Variants in ITGA5 observed in about 807,000 individuals in gnomAD.
The protein encoded by ITGA5 is integrin alpha-5.
A neutral mutation model predicts 146.3 loss-of-function variants in ITGA5; 55 were observed. The ratio of observed to expected loss-of-function variants is 0.38; its 90% CI spans 0.30 to 0.47. ITGA5 has a LOEUF of 0.47. ITGA5 is among the 20% of genes least tolerant of loss of function. ITGA5 has a pLI of 0.99. For missense variants in ITGA5, 1,131 were observed against 1,329.0 expected (o/e 0.85, Z 2.32); for synonymous variants, 500 against 531.8 (o/e 0.94, Z 0.82).
In ITGA5 at chr12:54,409,531, A is replaced by C; in HGVS notation, c.416T>G (p.Leu139Trp). Residue 139 changes from leucine to tryptophan, a missense_variant, in exon 3 of 30, where the codon TTG becomes TGG. By Grantham distance (61) the Leu-to-Trp change is moderately conservative (BLOSUM62 -2). Coordinates refer to ENST00000293379, the MANE Select transcript of ITGA5 (RefSeq NM_002205.5). This position sits in a 1 kb window ranked among gnomAD's most constrained non-coding sequence, Gnocchi z 4.7. ...EGEEPVEYKS[L>W]QWFGATVRAH... is the part of the protein sequence containing the mutation. Reference sequence around the variant, plus strand: ...TCGAACTGTTGCCCCGAACCACTGCAAGGACTTGTACTCCACAGGCTCCTC... The same window carrying C: ...TCGAACTGTTGCCCCGAACCACTGCCAGGACTTGTACTCCACAGGCTCCTC... 1 of 1,614,072 alleles carries C rather than the reference A, an allele frequency of 6.2e-7. No homozygotes were observed. The highest frequency in any genetic ancestry group is 1.6e-4 in the Middle Eastern group (1 of 6,062).
At position 54,403,382 on chromosome 12, in the gene ITGA5, G is replaced by T; in HGVS notation, c.1777-58C>A. On this transcript the variant is annotated intron_variant, in intron 17 of 29. Transcript: ENST00000293379. The surrounding 1 kb of genome is among the most constrained non-coding windows in gnomAD (Gnocchi z 4.9). ...GGGACTCTGGAGACTTAGTGGCCCT[G>T]CTCCTCAGCCTCTCTCATCTCCCTT... is the stretch of plus-strand genomic sequence containing the variant. 1.4e-6 allele frequency: 2 copies of T among 1,479,962 alleles called. No homozygotes were observed. The highest frequency in any genetic ancestry group is 1.8e-6 in the Non-Finnish European group (2 of 1,108,944). The allele number at this position is 1,479,962 out of a possible 1,614,324, so 91.7% of individuals were successfully genotyped here. A position where few individuals can be genotyped will look rare whatever the true frequency, so the allele number is the denominator to read the frequency against.
chr12:54,397,683 T>C (rs1565637191), intron 28 of ITGA5, among the ~76,000 whole-genome samples, 196 bp from the exon 29 acceptor site: 2 of 152,280 alleles, frequency 1.3e-5, no homozygotes, highest in Non-Finnish European at 2.9e-5. Context: ...GGGAAATTCC[T>C]GGCTTCTCCT....
chr12:54,414,881 GC>G (rs1486268581), intron 1 of ITGA5, among the ~76,000 whole-genome samples: 2 of 151,920 alleles, frequency 1.3e-5, no homozygotes, highest in Non-Finnish European at 2.9e-5. Context: ...AGGCGTGGTG[GC>G]TCACGCTTGT....
chr12:54,399,498 C>T, intron 27 of ITGA5, 147 bp downstream of exon 27: 1 of 638,010 alleles, frequency 1.6e-6, no homozygotes, highest in Non-Finnish European at 2.8e-6. Flanking sequence ...GGACATACAG[C>T]CTGGTCTAGA....
At position 54,399,680 on chromosome 12, in the gene ITGA5, A is replaced by T; in HGVS notation, c.2806T>A (p.Leu936Met). The T allele has an allele frequency of 3.1e-6, 5 of 1,614,124 alleles. No individual in the cohort carries two copies. The highest frequency in any genetic ancestry group is 4.2e-6 in the Non-Finnish European group (5 of 1,179,962). The change falls in exon 27 of 30, where the codon TTG (leucine) becomes ATG (methionine). Residue 936 changes from leucine (L) to methionine (M), a missense_variant. By Grantham distance (15) the Leu-to-Met change is conservative (BLOSUM62 2). Around this residue, in one of 3 missense-constraint regions of ITGA5, gnomAD observed 889 missense variants for 1,021.5 expected, o/e 0.87. Coordinates refer to ENST00000293379, the MANE Select transcript of ITGA5 (RefSeq NM_002205.5). ...LHQQESQSLQLHFRVWAKTFL... is the reference protein window; with the variant it reads ...LHQQESQSLQMHFRVWAKTFL... ...GTCTTGGCCCAGACTCGGAAATGCA[A>T]CTGCAGACTTTGGCTCTCTTGTTGG...
chr12:54,405,997 T>G, intron 9 of ITGA5, 71 bp from the exon 10 acceptor site: 1 of 1,356,688 alleles, frequency 7.4e-7, no homozygotes, highest in Non-Finnish European at 1.1e-6. Context: ...AACAGATGTG[T>G]ACAGGACACC....
In ITGA5 at chr12:54,398,624, A is replaced by T; in HGVS notation, c.2916T>A (p.Pro972=). ...GACGCTCTTTTTGGGGCAGCTGCCG[A>T]GGCAGGATTCGGTAGGGCATCTTCA... ...KALKMPYRIL[P]RQLPQKERQV... Residue 972 remains proline, a synonymous_variant, in exon 28 of 30, where the codon CCT becomes CCA. Transcript: ENST00000293379. 1 of 1,611,232 alleles carries T rather than the reference A, an allele frequency of 6.2e-7. No homozygotes were observed. The highest frequency in any genetic ancestry group is 1.1e-5 in the South Asian group (1 of 90,348).
chr12:54,402,768 G>A (rs1034416739), intron 19 of ITGA5, among the ~76,000 whole-genome samples: 8 of 152,006 alleles, frequency 5.3e-5, no homozygotes, highest in African/African-American at 1.9e-4. Flanking sequence ...CTCTATGGCA[G>A]GCACTAGGCT....
intron 2 of ITGA5, among the ~76,000 whole-genome samples, chr12:54,410,367 A>C (rs1361808326): frequency 2.4e-5 from 3 of 126,962 alleles, no homozygotes; most frequent in African/African-American, 9.2e-5. Flanking sequence ...TTTTTTTGAG[A>C]TAGGGTCTCA....
In ITGA5 at chr12:54,401,008, G is replaced by A; in HGVS notation, c.2494-13C>T. 1 of 1,612,106 alleles carries A rather than the reference G, an allele frequency of 6.2e-7. No homozygotes were observed. Among genetic ancestry groups the A allele is most frequent in the Non-Finnish European group, 8.5e-7 (1 of 1,179,308 alleles). On this transcript the variant is annotated splice_polypyrimidine_tract_variant and intron_variant, in intron 24 of 29. Transcript: ENST00000293379. The surrounding 1 kb of genome is among the most constrained non-coding windows in gnomAD (Gnocchi z 5.0). ...CTTGGTTGATGAGCTGAGGAGGGAAGAGCACAATCATCATGAGAAGGAAGG... is the reference window on the plus strand; with the variant it reads ...CTTGGTTGATGAGCTGAGGAGGGAAAAGCACAATCATCATGAGAAGGAAGG...
At position 54,408,203 on chromosome 12, in the gene ITGA5, C is replaced by T. The variant is rs1955892216; in HGVS notation, c.724G>A (p.Ala242Thr). 6.2e-7 allele frequency: 1 copy of T among 1,614,092 alleles called. No homozygotes were observed. The highest frequency in any genetic ancestry group is 1.1e-5 in the South Asian group (1 of 91,082). The change falls in exon 7 of 30, where the codon GCA becomes ACA. Residue 242 changes from alanine to threonine, a missense_variant. By Grantham distance (58) the Ala-to-Thr change is moderately conservative (BLOSUM62 0). Around this residue, in one of 3 missense-constraint regions of ITGA5, gnomAD observed 889 missense variants for 1,021.5 expected, o/e 0.87. Transcript: ENST00000293379. Reference sequence around the variant, plus strand: ...AGGTACTCGGGGTAATAAGATTCTGCAATCTGCTCCTGAGTGGCAGACAGG... The same window carrying T: ...AGGTACTCGGGGTAATAAGATTCTGTAATCTGCTCCTGAGTGGCAGACAGG... ...QILSATQEQI[A>T]ESYYPEYLIN... is the part of the protein sequence containing the mutation.
chr12:54,402,700 C>CA (rs1316524763), intron 19 of ITGA5, among the ~76,000 whole-genome samples: 1,724 of 123,170 alleles, frequency 0.014, 18 homozygotes, highest in Admixed American at 0.025. Flanking sequence ...GACTCCGTCT[C>CA]AAAAAAAAAA....
chr12:54,410,764 T>C (rs1955934391), intron 2 of ITGA5, among the ~76,000 whole-genome samples: 1 of 151,714 alleles, frequency 6.6e-6, no homozygotes, highest in Admixed American at 6.6e-5. Context: ...TCTTTCTCTG[T>C]AGCCCACGCT....
At chr12:54,400,639 G>T (rs1955773845) in intron 25 of ITGA5, 3 of 531,180 alleles carry the variant, frequency 5.6e-6, no homozygotes, top group Non-Finnish European at 9.9e-6. Context: ...AACAAAGAAG[G>T]GATAGTTCAG....
chr12:54,403,615 T>C lies in ITGA5; in HGVS notation c.1776+10A>G. The C allele has an allele frequency of 6.2e-7, 1 of 1,611,808 alleles. No homozygotes were observed. The highest frequency in any genetic ancestry group is 1.1e-5 in the South Asian group (1 of 90,976). On this transcript the variant is annotated intron_variant, in intron 17 of 29. Coordinates refer to ENST00000293379, the MANE Select transcript of ITGA5 (RefSeq NM_002205.5). This position sits in a 1 kb window ranked among gnomAD's most constrained non-coding sequence, Gnocchi z 4.9. ...CCTGGCCAGTCCACACCCCGCCCTC[T>C]GGGCCATACCCTGAGGTAGATCTTC... is the stretch of plus-strand genomic sequence containing the variant.
chr12:54,411,805 C>G (rs777552672), intron 2 of ITGA5, 29 bp downstream of exon 2: 104 of 1,471,470 alleles, frequency 7.1e-5, no homozygotes, highest in Non-Finnish European at 8.7e-5. Context: ...TCCCACCCCC[C>G]AGTCCCTCCC....
chr12:54,405,431 A>G (rs1356318238), intron 11 of ITGA5, 57 bp from the exon 12 acceptor site: 4 of 1,367,934 alleles, frequency 2.9e-6, no homozygotes, highest in Non-Finnish European at 4.0e-6. Context: ...CCCCACCCCA[A>G]TCCTAGTGCT....
chr12:54,401,197 T>C lies in ITGA5; in HGVS notation c.2493+176A>G, dbSNP rs183780592. Among the ~76,000 whole-genome samples, 80 of 152,334 alleles carry C rather than the reference T, an allele frequency of 5.3e-4. 3 individuals carry two copies. The East Asian group carries it at 0.015, about 28-fold the overall frequency. On this transcript the variant is annotated intron_variant, in intron 24 of 29. Transcript: ENST00000293379. The surrounding 1 kb of genome is among the most constrained non-coding windows in gnomAD (Gnocchi z 5.0). ...CCATCTTTCTTTCCAAGCCACTCAA[T>C]TGGCCTGTCTCTCCTCTGGCTGTTT...
At position 54,419,248 on chromosome 12, in the gene ITGA5, A is replaced by G. The variant is rs1264907846; in HGVS notation, c.-50T>C. On this transcript the variant is annotated 5_prime_UTR_variant, in exon 1 of 30. Transcript: ENST00000293379. ...GGCCACCGACCCGGAGCCGCTTCCT[A>G]AACCTCCCAGAGGCGAATGACTCAA... is the stretch of plus-strand genomic sequence containing the variant. 5 of 1,540,496 alleles carry G rather than the reference A, an allele frequency of 3.2e-6. No homozygotes were observed. Among genetic ancestry groups the G allele is most frequent in the Non-Finnish European group, 4.4e-6 (5 of 1,141,980 alleles).
Sources: allele counts gnomAD v4.1 joint callset (sites outside exome capture counted in the v4.1 genomes callset), GRCh38; gene constraint gnomAD v4.1.1; regional missense constraint gnomAD v4.1.1; non-coding constraint Gnocchi (gnomAD v3.1); transcripts MANE v1.5; gene names NCBI Gene and HGNC (gene_info 2026-07-23, HGNC 2026-07-21).